Variants in RABGAP1L observed in about 807,000 individuals in gnomAD.
RABGAP1L encodes the protein rab GTPase-activating protein 1-like.
Under a neutral mutation model 137.7 loss-of-function variants are expected in RABGAP1L, and 63 were observed. The ratio of observed to expected loss-of-function variants is 0.46; its 90% CI spans 0.37 to 0.56. The LOEUF is 0.56. Ranked by LOEUF, RABGAP1L falls within the 20% of genes least tolerant of loss-of-function variation. The pLI, the probability that RABGAP1L is intolerant of heterozygous loss-of-function variation, is 0.00. For missense variants in RABGAP1L, 1,095 were observed against 1,244.0 expected (o/e 0.88, Z 1.80); for synonymous variants, 431 against 433.7 (o/e 0.99, Z 0.08).
chr1:174,711,669 G>A (rs1461084895), intron 17 of RABGAP1L, among the ~76,000 whole-genome samples: 2 of 152,196 alleles, frequency 1.3e-5, no homozygotes, highest in African/African-American at 2.4e-5. Flanking sequence ...TGCCGTGCCC[G>A]AGTGCCCCCT....
At position 174,702,102 on chromosome 1, in the gene RABGAP1L, T is replaced by G; in HGVS notation, c.2026-11T>G. ...TCTCATTGCTCCTAAATTTTCCACT[T>G]TGACTTTTAGGAACAGCTACCGGAC... On this transcript the variant is annotated splice_polypyrimidine_tract_variant and intron_variant, in intron 16 of 25. Transcript: ENST00000681986. The G allele has an allele frequency of 6.2e-7, 1 of 1,604,034 alleles. No individual in the cohort carries two copies.
At chr1:174,424,382 G>C (rs1651711514) in intron 13 of RABGAP1L, among the ~76,000 whole-genome samples, 1 of 152,044 alleles carries the variant, frequency 6.6e-6, no homozygotes, top group African/African-American at 2.4e-5. Context: ...GTGAAATGCA[G>C]ACTTTTATTT....
intron 20 of RABGAP1L, among the ~76,000 whole-genome samples, chr1:174,961,758 A>C (rs562004429): frequency 1.4e-4 from 21 of 149,550 alleles, no homozygotes; most frequent in African/African-American, 5.1e-4. Flanking sequence ...AGGCATGAGA[A>C]TCGCTTGAGC....
rs1231639785 is a variant in RABGAP1L at position 174,448,631 on chromosome 1, T to C, written c.1710+54486T>C. The stretch of plus-strand genomic sequence containing the variant: ...CTGGATCTACTCCTGCCTAATTTTC[T>C]TGCCTTCCTTTTTTGGCTGGGGGAA... On this transcript the variant is annotated intron_variant, in intron 13 of 25. Coordinates refer to ENST00000681986, the MANE Select transcript of RABGAP1L (RefSeq NM_001366446.1). This position sits in a 1 kb window ranked among gnomAD's most constrained non-coding sequence, Gnocchi z 4.2. 8 of 1,613,856 alleles carry C rather than the reference T, an allele frequency of 5.0e-6. 1 individual carries two copies. In the Admixed American group the frequency reaches 1.3e-4, roughly 27 times the overall value.
At chr1:174,325,853 G>C (rs961548797) in intron 11 of RABGAP1L, among the ~76,000 whole-genome samples, 5 of 152,190 alleles carry the variant, frequency 3.3e-5, no homozygotes, top group Admixed American at 1.3e-4. Context: ...GGCCGTTTAT[G>C]GGCATCATGC....
intron 15 of RABGAP1L, among the ~76,000 whole-genome samples, chr1:174,691,482 C>T (rs1362797656): frequency 6.6e-6 from 1 of 152,186 alleles, no homozygotes; most frequent in East Asian, 1.9e-4. Context: ...ACGGTGATTA[C>T]ATCACTCAAT....
At chr1:174,340,588 A>G (rs1417556603) in intron 11 of RABGAP1L, among the ~76,000 whole-genome samples, 1 of 152,268 alleles carries the variant, frequency 6.6e-6, no homozygotes, top group African/African-American at 2.4e-5. Flanking sequence ...CCATGTTCCT[A>G]CAAAGGACAT....
At chr1:174,552,521 G>C (rs1666616254) in intron 13 of RABGAP1L, among the ~76,000 whole-genome samples, 1 of 152,010 alleles carries the variant, frequency 6.6e-6, no homozygotes, top group Non-Finnish European at 1.5e-5. Context: ...TTTTATGACT[G>C]TATAGTATTC....
chr1:174,241,571 G>C lies in RABGAP1L; in HGVS notation c.631G>C (p.Glu211Gln). The C allele has an allele frequency of 6.2e-7, 1 of 1,613,726 alleles. No homozygotes were observed. The highest frequency in any genetic ancestry group is 8.5e-7 in the Non-Finnish European group (1 of 1,179,686). Residue 211 changes from glutamate (E) to glutamine (Q), a missense_variant, in exon 5 of 26, where the codon GAG (glutamate) becomes CAG (glutamine). Coordinates refer to ENST00000681986, the MANE Select transcript of RABGAP1L (RefSeq NM_001366446.1). ...TGCACGTGGACATGACGGAACAACAGAGAGCAATTGCTTTGCATTTACAGA... is the reference window on the plus strand; with the variant it reads ...TGCACGTGGACATGACGGAACAACACAGAGCAATTGCTTTGCATTTACAGA... ...FCARGHDGTT[E>Q]SNCFAFTESS...
intron 13 of RABGAP1L, among the ~76,000 whole-genome samples, chr1:174,559,564 C>T (rs1048535687): frequency 2.0e-5 from 3 of 152,186 alleles, no homozygotes; most frequent in Non-Finnish European, 4.4e-5. Context: ...AATTTCAAGA[C>T]GGTAGAAGTC....
intron 17 of RABGAP1L, among the ~76,000 whole-genome samples, chr1:174,740,690 C>T (rs1054349251): frequency 6.6e-6 from 1 of 152,062 alleles, no homozygotes; most frequent in Non-Finnish European, 1.5e-5. Flanking sequence ...AGTTTACATT[C>T]CCACCAACAG....
intron 7 of RABGAP1L, among the ~76,000 whole-genome samples, chr1:174,269,033 C>A (rs973471463): frequency 6.6e-6 from 1 of 152,112 alleles, no homozygotes; most frequent in African/African-American, 2.4e-5. Flanking sequence ...AGCTCTGCCT[C>A]CCCGGTTCAC....
chr1:174,836,144 A>G (rs951549386), intron 19 of RABGAP1L, among the ~76,000 whole-genome samples: 2 of 152,224 alleles, frequency 1.3e-5, no homozygotes, highest in African/African-American at 4.8e-5. Context: ...TGGTATCAAG[A>G]ACATAATTTT....
chr1:174,893,996 A>G (rs1203765694), intron 19 of RABGAP1L, among the ~76,000 whole-genome samples: 2 of 152,208 alleles, frequency 1.3e-5, no homozygotes, highest in African/African-American at 4.8e-5. Context: ...TAAAAATTAC[A>G]CTGGAGGGTG....
At chr1:174,328,004 T>TACAC (rs1558136412) in intron 11 of RABGAP1L, among the ~76,000 whole-genome samples, 144 of 121,722 alleles carry the variant, frequency 1.2e-3, no homozygotes, top group African/African-American at 6.5e-3. Context: ...TATATATATA[T>TACAC]ATATATATAT....
Position 174,585,938 on chromosome 1 carries a change from A to G in RABGAP1L, c.1711-51437A>G, listed in dbSNP as rs548510203. Among the ~76,000 whole-genome samples, 7 of 152,316 alleles carry G rather than the reference A, an allele frequency of 4.6e-5. No individual in the cohort carries two copies. The East Asian group carries it at 9.6e-4, about 21-fold the overall frequency. On this transcript the variant is annotated intron_variant, in intron 13 of 25. Coordinates refer to ENST00000681986, the MANE Select transcript of RABGAP1L (RefSeq NM_001366446.1). ...AATTATTTCTACTTTAAAATTCTCTATTTTAACCATTGTGGAAGACAGTGT... is the reference window on the plus strand; with the variant it reads ...AATTATTTCTACTTTAAAATTCTCTGTTTTAACCATTGTGGAAGACAGTGT...
chr1:174,692,287 T>G (rs1678928100), intron 15 of RABGAP1L, among the ~76,000 whole-genome samples: 1 of 152,138 alleles, frequency 6.6e-6, no homozygotes, highest in African/African-American at 2.4e-5. Flanking sequence ...TGGTTAGAAG[T>G]GCACAAATAA....
At chr1:174,228,375 C>G (rs1009369550) in intron 3 of RABGAP1L, among the ~76,000 whole-genome samples, 30 of 151,606 alleles carry the variant, frequency 2.0e-4, no homozygotes, top group African/African-American at 6.8e-4. Context: ...TATATTTTTT[C>G]TGTTTTTAAG....
At chr1:174,796,014 C>G (rs571444759) in intron 18 of RABGAP1L, among the ~76,000 whole-genome samples, 23 of 152,228 alleles carry the variant, frequency 1.5e-4, no homozygotes, top group South Asian at 4.2e-4. Flanking sequence ...TTTGCAGGGC[C>G]CCAGGCAGAG....
Sources: allele counts gnomAD v4.1 joint callset (sites outside exome capture counted in the v4.1 genomes callset), GRCh38; gene constraint gnomAD v4.1.1; non-coding constraint Gnocchi (gnomAD v3.1); transcripts MANE v1.5; gene names NCBI Gene and HGNC (gene_info 2026-07-23, HGNC 2026-07-21).